The following CLCN3 variants were observed in gnomAD, a reference collection of about 807,000 sequenced individuals.
The protein encoded by CLCN3 is H(+)/Cl(-) exchange transporter 3.
CLCN3 carries 16 observed loss-of-function variants against 83.4 expected under a neutral mutation model. The observed-to-expected ratio is 0.19, with a 90% CI of 0.13 to 0.29. CLCN3 has a LOEUF of 0.29. Ranked by LOEUF, CLCN3 falls within the 10% of genes least tolerant of loss-of-function variation. CLCN3 has a pLI of 1.00. For synonymous variants in CLCN3, 322 were observed against 346.2 expected, an observed-to-expected ratio of 0.93 and a Z score of 0.78; for missense variants, 544 against 1,006.0, an observed-to-expected ratio of 0.54 and a Z score of 6.21.
At chr4:169,632,487 T>C (rs1010224727) in intron 1 of CLCN3, among the ~76,000 whole-genome samples, 2 of 151,954 alleles carry the variant, frequency 1.3e-5, no homozygotes, top group Admixed American at 1.3e-4. Flanking sequence ...ACCAGCAATT[T>C]GGGAGGCCGA....
At chr4:169,682,310 C>A (rs1191992367) in intron 3 of CLCN3, among the ~76,000 whole-genome samples, 1 of 152,182 alleles carries the variant, frequency 6.6e-6, no homozygotes, top group Non-Finnish European at 1.5e-5. Context: ...CTATCATCCT[C>A]ACAGTGATAG....
At chr4:169,645,367 G>T (rs923309849) in intron 2 of CLCN3, among the ~76,000 whole-genome samples, 1 of 152,048 alleles carries the variant, frequency 6.6e-6, no homozygotes, top group Non-Finnish European at 1.5e-5. Context: ...TACACACACA[G>T]AAAAAACATT....
intron 2 of CLCN3, chr4:169,643,098 T>G (rs1287192064): frequency 6.6e-6 from 1 of 152,200 alleles, no homozygotes; most frequent in Non-Finnish European, 1.5e-5. Context: ...TTATTTACAT[T>G]TAGCTAGTTT....
intron 9 of CLCN3, among the ~76,000 whole-genome samples, chr4:169,703,007 T>A (rs1025353809): frequency 7.2e-5 from 11 of 152,164 alleles, no homozygotes; most frequent in Admixed American, 2.6e-4. Flanking sequence ...AACAGCCAGT[T>A]AGTGGAGCAG....
At chr4:169,711,327 G>A (rs1426594653) in intron 11 of CLCN3, among the ~76,000 whole-genome samples, 4 of 152,174 alleles carry the variant, frequency 2.6e-5, no homozygotes, top group Admixed American at 2.6e-4. Flanking sequence ...AATCATTTAT[G>A]TCAATTGCTA....
chr4:169,694,796 G>A (rs946172437), intron 7 of CLCN3, among the ~76,000 whole-genome samples: 1 of 152,090 alleles, frequency 6.6e-6, no homozygotes, highest in East Asian at 1.9e-4. Context: ...CTGAGACGAC[G>A]CCATTGCACT....
chr4:169,689,219 G>C lies in CLCN3; in HGVS notation c.595G>C (p.Gly199Arg). The change falls in exon 5 of 13, where the codon GGT becomes CGT. Residue 199 changes from glycine to arginine, a missense_variant. Around this residue, in one of 6 missense-constraint regions of CLCN3, gnomAD observed 96 missense variants for 202.1 expected, o/e 0.48. Coordinates refer to ENST00000513761, the MANE Select transcript of CLCN3 (RefSeq NM_001829.4). The stretch of plus-strand genomic sequence containing the variant: ...GAAAACATGGGCAGAATTAATCATA[G>C]GTCAAGCAGAGGTAAGTCTTGCTTT... Reference protein sequence around the residue: ...QWKTWAELIIGQAEGPGSYIM... With the variant: ...QWKTWAELIIRQAEGPGSYIM... 1 of 1,611,088 alleles carries C rather than the reference G, an allele frequency of 6.2e-7. No individual in the cohort carries two copies. Among genetic ancestry groups the C allele is most frequent in the Non-Finnish European group, 8.5e-7 (1 of 1,178,508 alleles).
chr4:169,682,546 A>G (rs1430666994), intron 3 of CLCN3, among the ~76,000 whole-genome samples: 3 of 152,230 alleles, frequency 2.0e-5, no homozygotes, highest in African/African-American at 7.2e-5. Flanking sequence ...ACTCAAATAA[A>G]TTACGCAAGT....
intron 1 of CLCN3, among the ~76,000 whole-genome samples, chr4:169,623,381 T>C (rs986692832): frequency 1.3e-5 from 2 of 152,214 alleles, no homozygotes; most frequent in Non-Finnish European, 1.5e-5. Context: ...TTTTTATTTA[T>C]TTTTAATTGA....
chr4:169,706,343 G>A (rs764651618), intron 10 of CLCN3, among the ~76,000 whole-genome samples: 4 of 152,044 alleles, frequency 2.6e-5, no homozygotes, highest in Non-Finnish European at 4.4e-5. Context: ...ATAGTTTTCT[G>A]TGAGTGAATA....
chr4:169,695,035 G>C (rs1279447534), intron 7 of CLCN3, among the ~76,000 whole-genome samples: 1 of 152,086 alleles, frequency 6.6e-6, no homozygotes, highest in Non-Finnish European at 1.5e-5. Flanking sequence ...TTGTAGAGGT[G>C]TTGGTTGGTG....
intron 3 of CLCN3, among the ~76,000 whole-genome samples, chr4:169,686,802 T>G (rs1209999494): frequency 6.6e-6 from 1 of 152,224 alleles, no homozygotes; most frequent in African/African-American, 2.4e-5. Context: ...AGTACATTCT[T>G]AGTAAGAGAG....
chr4:169,704,258 TTG>T, intron 10 of CLCN3, 74 bp downstream of exon 10: 1 of 1,415,502 alleles, frequency 7.1e-7, no homozygotes, highest in Non-Finnish European at 9.8e-7. Context: ...GGACACATTC[TTG>T]CTTAATTGGT....
At chr4:169,687,024 A>G (rs1441398463) in intron 3 of CLCN3, among the ~76,000 whole-genome samples, 1 of 152,188 alleles carries the variant, frequency 6.6e-6, no homozygotes, top group Non-Finnish European at 1.5e-5. Context: ...CTTTGTCCAC[A>G]TGATTATTCT....
At chr4:169,660,011 A>T in intron 2 of CLCN3, 1 of 974,766 alleles carries the variant, frequency 1.0e-6, no homozygotes, top group Non-Finnish European at 1.2e-6. Context: ...TACTGTAGTT[A>T]CCACTGATGC....
At chr4:169,648,141 C>T (rs576968456) in intron 2 of CLCN3, among the ~76,000 whole-genome samples, 2 of 152,114 alleles carry the variant, frequency 1.3e-5, no homozygotes, top group African/African-American at 4.8e-5. Flanking sequence ...CAATGTGGAT[C>T]CTGTATTGGG....
At chr4:169,629,735 C>T (rs1009095908) in intron 1 of CLCN3, among the ~76,000 whole-genome samples, 6 of 152,114 alleles carry the variant, frequency 3.9e-5, no homozygotes, top group African/African-American at 1.4e-4. Flanking sequence ...TGTCAGACCT[C>T]ATGACACGTT....
rs183640685 is a variant in CLCN3 at position 169,644,368 on chromosome 4, G to A, written c.160+8280G>A. On this transcript the variant is annotated intron_variant, in intron 2 of 12. Transcript: ENST00000513761. ...CGCCTCCCGGGTTCAAGCAATTCTCGTGCTTTGGCCTTCTGAGTAGCTGGG... is the reference window on the plus strand; with the variant it reads ...CGCCTCCCGGGTTCAAGCAATTCTCATGCTTTGGCCTTCTGAGTAGCTGGG... Among the ~76,000 whole-genome samples, 556 of 149,982 alleles carry A rather than the reference G, an allele frequency of 3.7e-3. 2 individuals are homozygous for A. Among genetic ancestry groups the A allele is most frequent in the African/African-American group, 0.013 (532 of 40,722 alleles).
intron 1 of CLCN3, among the ~76,000 whole-genome samples, chr4:169,627,066 T>C (rs1264990561): frequency 2.0e-5 from 3 of 152,204 alleles, no homozygotes; most frequent in South Asian, 2.1e-4. Flanking sequence ...TCATGTCTGA[T>C]CATGTGATTT....
Sources: allele counts gnomAD v4.1 joint callset (sites outside exome capture counted in the v4.1 genomes callset), GRCh38; gene constraint gnomAD v4.1.1; regional missense constraint gnomAD v4.1.1; transcripts MANE v1.5; gene names NCBI Gene and HGNC (gene_info 2026-07-23, HGNC 2026-07-21).